Variants in ERICH3 observed in about 807,000 individuals in gnomAD.
ERICH3 encodes glutamate rich 3, also known as glutamate-rich protein 3.
Under a neutral mutation model 131.1 loss-of-function variants are expected in ERICH3, and 126 were observed. The observed-to-expected ratio is 0.96, with a 90% CI of 0.83 to 1.11. The LOEUF (loss-of-function observed/expected upper bound fraction) is 1.11, where lower values mean the gene tolerates loss of function less well. Ranked by LOEUF, ERICH3 falls within the 50% of genes most tolerant of loss-of-function variation. The probability of loss-of-function intolerance (pLI) is 0.00; values close to 1 mark genes in which losing one functional copy is unlikely to be tolerated. For missense variants in ERICH3, 2,050 were observed against 1,810.7 expected (o/e 1.13, Z -2.40); for synonymous variants, 695 against 644.6 (o/e 1.08, Z -1.18).
Position 74,673,665 on chromosome 1 carries a change from C to T in ERICH3, c.-146G>A. On this transcript the variant is annotated 5_prime_UTR_variant, in exon 1 of 15. Transcript: ENST00000326665. ...CGCGGGCACCTGGGCTGGGCCGCCG[C>T]CGCCCCTGGGCGCCCGGGCTACCCG... is the stretch of plus-strand genomic sequence containing the variant. The T allele has an allele frequency of 1.3e-6, 1 of 774,210 alleles. No individual in the cohort carries two copies. The highest frequency in any genetic ancestry group is 1.8e-6 in the Non-Finnish European group (1 of 542,426). The allele number at this position is 774,210 out of a possible 1,614,324, so 48.0% of individuals were successfully genotyped here. A position where few individuals can be genotyped will look rare whatever the true frequency, so the allele number is the denominator to read the frequency against.
Position 74,599,954 on chromosome 1 carries a change from A to G in ERICH3, c.1490-23T>C, listed in dbSNP as rs1024949250. 9.7e-6 allele frequency: 15 copies of G among 1,547,254 alleles called. No homozygotes were observed. In the South Asian group the frequency reaches 1.2e-4, roughly 12 times the overall value. On this transcript the variant is annotated intron_variant, in intron 10 of 14. Coordinates refer to ENST00000326665, the MANE Select transcript of ERICH3 (RefSeq NM_001002912.5). ...ACTCTGAAATAGGAAAATCTCCACT[A>G]TAAGAATGAAAATAGAACCCCTTAT...
intron 8 of ERICH3, among the ~76,000 whole-genome samples, chr1:74,620,370 G>GT (rs771196944): frequency 5.9e-5 from 9 of 152,106 alleles, no homozygotes; most frequent in African/African-American, 9.7e-5. Flanking sequence ...TTCCAATCTG[G>GT]TATTTTTCTC....
At chr1:74,604,358 C>T (rs1648287970) in intron 10 of ERICH3, among the ~76,000 whole-genome samples, 1 of 151,932 alleles carries the variant, frequency 6.6e-6, no homozygotes, top group Non-Finnish European at 1.5e-5. Context: ...ATAAAATCAC[C>T]TTCTTTCAAA....
intron 11 of ERICH3, among the ~76,000 whole-genome samples, chr1:74,595,272 T>C (rs1647794672): frequency 6.6e-6 from 1 of 152,152 alleles, no homozygotes; most frequent in Non-Finnish European, 1.5e-5. Flanking sequence ...AAGTGCTTTA[T>C]ACTCAATAAA....
chr1:74,608,277 T>C (rs1333338354), intron 9 of ERICH3, among the ~76,000 whole-genome samples: 1 of 151,946 alleles, frequency 6.6e-6, no homozygotes, highest in African/African-American at 2.4e-5. Flanking sequence ...CTGGATAAAA[T>C]CCATGATCTG....
At chr1:74,666,877 A>T (rs185627032) in intron 1 of ERICH3, among the ~76,000 whole-genome samples, 159 of 152,320 alleles carry the variant, frequency 1.0e-3, no homozygotes, top group Middle Eastern at 3.4e-3. Flanking sequence ...TTGTATGCTG[A>T]AGTTTTAGAA....
At chr1:74,656,939 A>G (rs567154605) in intron 1 of ERICH3, among the ~76,000 whole-genome samples, 2 of 152,294 alleles carry the variant, frequency 1.3e-5, no homozygotes, top group Non-Finnish European at 2.9e-5. Flanking sequence ...ACACCCTCCT[A>G]TAAGGTGTTG....
rs1021095538 is a variant in ERICH3 at position 74,569,533 on chromosome 1, C to T, written c.*925G>A. On this transcript the variant is annotated 3_prime_UTR_variant, in exon 15 of 15. Transcript: ENST00000326665. ...AGTTCACAGGTTTGAAATAACAGAA[C>T]TTGGGAAGGTGAGCAGCACACTCAT... 6.6e-6 allele frequency: 1 copy of T among 152,130 alleles called. No homozygotes were observed. The highest frequency in any genetic ancestry group is 2.4e-5 in the African/African-American group (1 of 41,424). 9.4% of individuals were successfully genotyped at this position (152,130 alleles called of 1,614,324 possible). A position where few individuals can be genotyped will look rare whatever the true frequency, so the allele number is the denominator to read the frequency against.
At position 74,569,314 on chromosome 1, in the gene ERICH3, T is replaced by C. The variant is rs959258386; in HGVS notation, c.*1144A>G. 7.9e-5 allele frequency: 12 copies of C among 152,070 alleles called. No homozygotes were observed. Among genetic ancestry groups the C allele is most frequent in the African/African-American group, 2.9e-4 (12 of 41,428 alleles). The allele number at this position is 152,070 out of a possible 1,614,324, so 9.4% of individuals were successfully genotyped here. On this transcript the variant is annotated 3_prime_UTR_variant, in exon 15 of 15. Transcript: ENST00000326665. ...TCTAATGTATATTCTGGCTGGAAAA[T>C]CACTGCTTAAGGAAATTTTTTTTAC... is the stretch of plus-strand genomic sequence containing the variant.
chr1:74,645,317 G>A (rs866662759), intron 3 of ERICH3, among the ~76,000 whole-genome samples: 3 of 152,010 alleles, frequency 2.0e-5, no homozygotes, highest in African/African-American at 7.2e-5. Flanking sequence ...GAATACAGCA[G>A]TATTAGCAAG....
chr1:74,577,479 G>A (rs1647086854), intron 12 of ERICH3: 1 of 152,380 alleles, frequency 6.6e-6, no homozygotes, highest in South Asian at 2.1e-4. Context: ...TATCTGTCCA[G>A]CTTATTGGAG....
At position 74,589,811 on chromosome 1, in the gene ERICH3, C is replaced by T; in HGVS notation, c.1996G>A (p.Glu666Lys). Residue 666 changes from glutamate to lysine, a missense_variant, in exon 12 of 15, where the codon GAG becomes AAG. By Grantham distance (56) the Glu-to-Lys change is moderately conservative. Coordinates refer to ENST00000326665, the MANE Select transcript of ERICH3 (RefSeq NM_001002912.5). ...TKPMPIDESF[E>K]NVLKEGTEKG... ...TCCGTTCCTTCTTTAAGAACATTCTCAAAGCTTTCGTCTATTGGCATCGGC... is the reference window on the plus strand; with the variant it reads ...TCCGTTCCTTCTTTAAGAACATTCTTAAAGCTTTCGTCTATTGGCATCGGC... The T allele has an allele frequency of 6.2e-7, 1 of 1,614,120 alleles. No individual in the cohort carries two copies. Among genetic ancestry groups the T allele is most frequent in the Non-Finnish European group, 8.5e-7 (1 of 1,179,996 alleles).
At chr1:74,622,338 C>T (rs1277510685) in intron 7 of ERICH3, 2 of 152,206 alleles carry the variant, frequency 1.3e-5, no homozygotes, top group African/African-American at 4.8e-5. Flanking sequence ...AGACATATTA[C>T]AGGGCATCAA....
intron 1 of ERICH3, among the ~76,000 whole-genome samples, chr1:74,668,838 C>A (rs1329904111): frequency 6.6e-6 from 1 of 152,064 alleles, no homozygotes; most frequent in African/African-American, 2.4e-5. Flanking sequence ...ATAGAAACTA[C>A]CAAAGTTTAA....
In ERICH3 at chr1:74,620,908, T is replaced by C; in HGVS notation, c.826A>G (p.Arg276Gly). ...GLEPLLTKDS[R>G]RIHKTSLHSN... Reference sequence around the variant, plus strand: ...TGTAAGGATGTTTTATGAATCCTTCTTGAATCCTGAAATAAACAGAAAAAT... The same window carrying C: ...TGTAAGGATGTTTTATGAATCCTTCCTGAATCCTGAAATAAACAGAAAAAT... The change falls in exon 8 of 15, where the codon AGA (arginine) becomes GGA (glycine). Residue 276 changes from arginine (R) to glycine (G), a missense_variant. Physicochemically the swap from Arg to Gly is moderately radical, Grantham distance 125 (BLOSUM62 -2). Transcript: ENST00000326665. The C allele has an allele frequency of 6.3e-7, 1 of 1,583,084 alleles. No homozygotes were observed. Among genetic ancestry groups the C allele is most frequent in the Non-Finnish European group, 8.6e-7 (1 of 1,166,074 alleles).
At position 74,636,271 on chromosome 1, in the gene ERICH3, A is replaced by G; in HGVS notation, c.603+9T>C. 6.4e-7 allele frequency: 1 copy of G among 1,572,594 alleles called. No homozygotes were observed. The highest frequency in any genetic ancestry group is 8.6e-7 in the Non-Finnish European group (1 of 1,162,240). The stretch of plus-strand genomic sequence containing the variant: ...TTAAAATATATTTATTGATAAAAAT[A>G]ACATTTACCCCAATGGGAAACAGAG... On this transcript the variant is annotated intron_variant, in intron 6 of 14. Coordinates refer to ENST00000326665, the MANE Select transcript of ERICH3 (RefSeq NM_001002912.5).
At chr1:74,666,219 G>A (rs1468873832) in intron 1 of ERICH3, among the ~76,000 whole-genome samples, 4 of 151,962 alleles carry the variant, frequency 2.6e-5, no homozygotes, top group African/African-American at 7.2e-5. Flanking sequence ...CCTGCTCATC[G>A]ACCAAAAAAG....
rs763706407 is a variant in ERICH3 at position 74,571,615 on chromosome 1, T to C, written c.4095A>G (p.Thr1365=). ...EEREVLAGSE[T]AEEKTIANKA... ...TATTTGCTATTGTTTTCTCCTCGGCTGTCTCCGAACCTGCCAACACCTCCC... is the reference window on the plus strand; with the variant it reads ...TATTTGCTATTGTTTTCTCCTCGGCCGTCTCCGAACCTGCCAACACCTCCC... Residue 1365 remains threonine (T), a synonymous_variant, in exon 14 of 15, where the codon ACA becomes ACG. Transcript: ENST00000326665. 1 of 1,614,218 alleles carries C rather than the reference T, an allele frequency of 6.2e-7. No homozygotes were observed. The highest frequency in any genetic ancestry group is 1.1e-5 in the South Asian group (1 of 91,088).
chr1:74,657,231 GT>G (rs1294049633), intron 1 of ERICH3, among the ~76,000 whole-genome samples: 1 of 151,928 alleles, frequency 6.6e-6, no homozygotes, highest in Non-Finnish European at 1.5e-5. Context: ...ATTTGTTTTT[GT>G]TTTTTCTTGT....
Sources: allele counts gnomAD v4.1 joint callset (sites outside exome capture counted in the v4.1 genomes callset), GRCh38; gene constraint gnomAD v4.1.1; transcripts MANE v1.5; gene names NCBI Gene and HGNC (gene_info 2026-07-23, HGNC 2026-07-21).